Variants in CNTNAP2 observed in about 807,000 individuals in gnomAD.
CNTNAP2 encodes the protein contactin-associated protein-like 2.
A neutral mutation model predicts 155.2 loss-of-function variants in CNTNAP2; 98 were observed. The ratio of observed to expected loss-of-function variants is 0.63; its 90% CI spans 0.54 to 0.75. The LOEUF is 0.75. CNTNAP2 is among the 30% of genes least tolerant of loss of function. The probability of loss-of-function intolerance (pLI) is 0.00; values close to 1 mark genes in which losing one functional copy is unlikely to be tolerated. For missense variants in CNTNAP2, 1,727 were observed against 1,688.1 expected, an observed-to-expected ratio of 1.02 and a Z score of -0.40; for synonymous variants, 651 against 631.2, an observed-to-expected ratio of 1.03 and a Z score of -0.47.
chr7:148,243,750 C>T (rs1034274892), intron 20 of CNTNAP2, among the ~76,000 whole-genome samples: 4 of 149,054 alleles, frequency 2.7e-5, no homozygotes, highest in African/African-American at 7.5e-5. Flanking sequence ...ACAGCCAAAC[C>T]ATATCAATGG....
Position 147,086,362 on chromosome 7 carries a change from GCT to G in CNTNAP2, c.551-21782_551-21781del, listed in dbSNP as rs373816726. ...AGCAACATTTAAAATTTTTATCTAT[GCT>G]CTTTTTGATACATCCACAGAAAATA... On this transcript the variant is annotated intron_variant, in intron 4 of 23. Coordinates refer to ENST00000361727, the MANE Select transcript of CNTNAP2 (RefSeq NM_014141.6). Among the ~76,000 whole-genome samples the G allele has an allele frequency of 3.5e-4, 53 of 151,960 alleles. No individual in the cohort carries two copies. In the East Asian group the frequency reaches 9.9e-3, roughly 28 times the overall value.
chr7:147,915,630 G>T (rs1800145638), intron 14 of CNTNAP2, among the ~76,000 whole-genome samples: 1 of 151,056 alleles, frequency 6.6e-6, no homozygotes, highest in African/African-American at 2.4e-5. Context: ...CATAAACGGA[G>T]ATGCCCTCCT....
At chr7:146,413,376 A>G (rs1192442145) in intron 1 of CNTNAP2, among the ~76,000 whole-genome samples, 1 of 152,188 alleles carries the variant, frequency 6.6e-6, no homozygotes, top group African/African-American at 2.4e-5. Flanking sequence ...CAAGATCCCA[A>G]AAAGGAAATA....
At chr7:146,868,650 T>C (rs1795249741) in intron 3 of CNTNAP2, among the ~76,000 whole-genome samples, 1 of 152,186 alleles carries the variant, frequency 6.6e-6, no homozygotes, top group Non-Finnish European at 1.5e-5. Context: ...TCCATGAGCA[T>C]GGGAGGTTTT....
intron 14 of CNTNAP2, among the ~76,000 whole-genome samples, chr7:147,928,819 G>T (rs1021887005): frequency 2.0e-5 from 3 of 151,936 alleles, no homozygotes; most frequent in African/African-American, 7.3e-5. Flanking sequence ...GGCCGGGTGC[G>T]GTGGCTCACG....
chr7:147,366,781 G>A (rs13228031), intron 9 of CNTNAP2, among the ~76,000 whole-genome samples: 78 of 105,964 alleles, frequency 7.4e-4, no homozygotes, highest in Middle Eastern at 5.4e-3. Context: ...TTTGTTGCAC[G>A]CACACACACA....
chr7:146,945,709 A>G lies in CNTNAP2; in HGVS notation c.403-98198A>G, dbSNP rs576838455. 2.6e-4 allele frequency among the ~76,000 whole-genome samples: 40 copies of G among 152,296 alleles called. No individual in the cohort carries two copies. The South Asian group carries it at 7.7e-3, about 29-fold the overall frequency. On this transcript the variant is annotated intron_variant, in intron 3 of 23. Transcript: ENST00000361727. ...TCGTTCTTGTCTCGAAGGGCTTTCT[A>G]CAATTTACTGCATTCAGCTCCATAC...
chr7:146,788,926 C>G (rs1802625647), intron 2 of CNTNAP2, among the ~76,000 whole-genome samples: 1 of 152,098 alleles, frequency 6.6e-6, no homozygotes, highest in Non-Finnish European at 1.5e-5. Flanking sequence ...CCCCAAGAGA[C>G]TGGGTGGGTG....
chr7:148,034,376 G>C (rs1220016665), intron 15 of CNTNAP2, among the ~76,000 whole-genome samples: 8 of 152,154 alleles, frequency 5.3e-5, no homozygotes, highest in African/African-American at 1.7e-4. Context: ...TAAGCCTAAT[G>C]GGAGGTGTTT....
intron 13 of CNTNAP2, among the ~76,000 whole-genome samples, chr7:147,651,608 C>G (rs1795451957): frequency 6.6e-6 from 1 of 152,172 alleles, no homozygotes; most frequent in Non-Finnish European, 1.5e-5. Flanking sequence ...ATGGAGGGAT[C>G]TTCCATTGTC....
intron 3 of CNTNAP2, among the ~76,000 whole-genome samples, chr7:146,853,667 T>C (rs575664139): frequency 3.7e-4 from 56 of 152,310 alleles, no homozygotes; most frequent in African/African-American, 1.3e-3. Context: ...TATGTCCCAC[T>C]AGTCTTTGCT....
chr7:148,123,612 A>C (rs1347920525), intron 16 of CNTNAP2, among the ~76,000 whole-genome samples: 1 of 149,178 alleles, frequency 6.7e-6, no homozygotes, highest in Non-Finnish European at 1.5e-5. Flanking sequence ...GAGAGAAGGA[A>C]GGGAGACAAG....
rs1238356546 is a variant in CNTNAP2, at chr7:146,686,300, A to G, written c.98-87971A>G. 2.3e-5 allele frequency among the ~76,000 whole-genome samples: 3 copies of G among 128,930 alleles called. No homozygotes were observed. The East Asian group carries it at 7.3e-4, about 32-fold the overall frequency. The allele number at this position is 128,930 out of a possible 152,430, so 84.6% of individuals were successfully genotyped here. On this transcript the variant is annotated intron_variant, in intron 1 of 23. Coordinates refer to ENST00000361727, the MANE Select transcript of CNTNAP2 (RefSeq NM_014141.6). ...ACAGAGTGAGACCCTGTCTCAAGGG[A>G]AAAAAAAAATCAAACAATTTTTGAA...
chr7:147,802,480 G>A (rs1222948504), intron 13 of CNTNAP2, among the ~76,000 whole-genome samples: 1 of 152,138 alleles, frequency 6.6e-6, no homozygotes, highest in Non-Finnish European at 1.5e-5. Context: ...CTCCAGCCTG[G>A]GCACCATTGA....
intron 21 of CNTNAP2, among the ~76,000 whole-genome samples, chr7:148,367,262 CAT>C (rs1253248318): frequency 6.6e-6 from 1 of 151,884 alleles, no homozygotes; most frequent in Non-Finnish European, 1.5e-5. Context: ...AAAACCATCA[CAT>C]ATGTTTGGCA....
chr7:148,036,319 G>T (rs1393939153), intron 15 of CNTNAP2, among the ~76,000 whole-genome samples: 1 of 152,170 alleles, frequency 6.6e-6, no homozygotes, highest in East Asian at 1.9e-4. Flanking sequence ...AAGTTCATGT[G>T]TTAGAAACTT....
At chr7:147,095,301 G>A (rs1800507498) in intron 4 of CNTNAP2, among the ~76,000 whole-genome samples, 1 of 150,596 alleles carries the variant, frequency 6.6e-6, no homozygotes, top group African/African-American at 2.5e-5. Flanking sequence ...CTCCCAAAGT[G>A]CTGGGATTTC....
chr7:146,833,313 T>C (rs774545184), intron 2 of CNTNAP2, among the ~76,000 whole-genome samples: 1 of 152,204 alleles, frequency 6.6e-6, no homozygotes, highest in Non-Finnish European at 1.5e-5. Flanking sequence ...ATTCCTGTCA[T>C]TTGAAATTTT....
At chr7:147,899,156 AT>A (rs1799820521) in intron 13 of CNTNAP2, among the ~76,000 whole-genome samples, 1 of 152,164 alleles carries the variant, frequency 6.6e-6, no homozygotes, top group African/African-American at 2.4e-5. Flanking sequence ...CCTAGGCAAC[AT>A]GGCAAAACCC....
Sources: allele counts gnomAD v4.1 joint callset (sites outside exome capture counted in the v4.1 genomes callset), GRCh38; gene constraint gnomAD v4.1.1; transcripts MANE v1.5; gene names NCBI Gene and HGNC (gene_info 2026-07-23, HGNC 2026-07-21).